LRRC49: variants seen among roughly 807,000 people sequenced by gnomAD.
LRRC49 encodes leucine-rich repeat-containing protein 49.
Under a neutral mutation model 83.3 loss-of-function variants are expected in LRRC49, and 50 were observed. The observed-to-expected ratio is 0.60, with a 90% confidence interval of 0.48 to 0.76. The LOEUF (loss-of-function observed/expected upper bound fraction) is 0.76. Among genes scored for constraint, LRRC49 ranks in the 30% least tolerant of loss-of-function variants. The probability of loss-of-function intolerance (pLI) is 0.00; values close to 1 mark genes in which losing one functional copy is unlikely to be tolerated. For missense variants in LRRC49, 704 were observed against 809.1 expected (o/e 0.87, Z 1.58); for synonymous variants, 286 against 283.3 (o/e 1.01, Z -0.10).
intron 5 of LRRC49, chr15:70,907,392 T>C (rs547833393): frequency 6.6e-6 from 1 of 152,482 alleles, no homozygotes; most frequent in Admixed American, 6.5e-5. Context: ...AGGTTCTGTA[T>C]GTGAGGTTTC....
intron 2 of LRRC49, among the ~76,000 whole-genome samples, chr15:70,874,431 C>A (rs2033111595): frequency 6.6e-6 from 1 of 152,168 alleles, no homozygotes. Context: ...AAGTGGGAAG[C>A]AATCAAATTG....
chr15:70,855,678 G>C (rs1338864246), intron 1 of LRRC49, among the ~76,000 whole-genome samples: 2 of 152,218 alleles, frequency 1.3e-5, no homozygotes, highest in Non-Finnish European at 2.9e-5. Context: ...ACTAGAATCT[G>C]TGTCCCTTTC....
intron 6 of LRRC49, 191 bp from the exon 7 acceptor site, chr15:70,918,859 A>G: frequency 2.1e-6 from 1 of 485,430 alleles, no homozygotes; most frequent in Non-Finnish European, 3.6e-6. Context: ...ATGATCTTTT[A>G]GCTAATGTTC....
chr15:70,882,990 A>G, intron 2 of LRRC49: 1 of 1,439,226 alleles, frequency 6.9e-7, no homozygotes, highest in Non-Finnish European at 9.4e-7. Context: ...GTAGTAAGAC[A>G]GTATAGCTGA....
At chr15:71,026,332 T>C (rs547808543) in intron 14 of LRRC49, among the ~76,000 whole-genome samples, 1 of 152,262 alleles carries the variant, frequency 6.6e-6, no homozygotes, top group East Asian at 1.9e-4. Flanking sequence ...GGCATTTGGG[T>C]TGGTTCCAAG....
At chr15:70,998,401 G>A (rs1243004664) in intron 11 of LRRC49, among the ~76,000 whole-genome samples, 1 of 151,880 alleles carries the variant, frequency 6.6e-6, no homozygotes, top group Non-Finnish European at 1.5e-5. Flanking sequence ...TGTTTATCAG[G>A]GAATGTCTTA....
intron 2 of LRRC49, chr15:70,881,376 A>G (rs936695575): frequency 6.6e-6 from 1 of 152,252 alleles, no homozygotes; most frequent in Non-Finnish European, 1.5e-5. Flanking sequence ...TCCTTAAAGC[A>G]GACATAAAAT....
chr15:70,938,403 C>A (rs935501550), intron 8 of LRRC49, among the ~76,000 whole-genome samples: 3 of 152,096 alleles, frequency 2.0e-5, no homozygotes, highest in African/African-American at 4.8e-5. Flanking sequence ...TTTAAAAATT[C>A]TCTCTGTGAT....
At chr15:70,876,804 C>T (rs1330757002) in intron 2 of LRRC49, among the ~76,000 whole-genome samples, 1 of 152,204 alleles carries the variant, frequency 6.6e-6, no homozygotes, top group African/African-American at 2.4e-5. Flanking sequence ...CCATCTCTAA[C>T]AAATTTAATC....
chr15:71,013,049 G>C (rs2038709361), intron 14 of LRRC49, 136 bp downstream of exon 14: 2 of 593,298 alleles, frequency 3.4e-6, no homozygotes, highest in Admixed American at 3.2e-5. Context: ...GAAAGTGTTG[G>C]GGATCTTAAG....
intron 14 of LRRC49, among the ~76,000 whole-genome samples, chr15:71,017,125 A>C (rs1387299403): frequency 6.6e-6 from 1 of 152,156 alleles, no homozygotes; most frequent in East Asian, 1.9e-4. Context: ...TAAATAAATA[A>C]ATAAAAATAC....
At chr15:70,956,588 GGT>G (rs1474388564) in intron 8 of LRRC49, among the ~76,000 whole-genome samples, 1 of 149,682 alleles carries the variant, frequency 6.7e-6, no homozygotes, top group African/African-American at 2.5e-5. Context: ...TTTATTTCCA[GGT>G]GTTTTTTTTT....
In LRRC49 at chr15:70,870,954, T is replaced by TG. The variant is rs1567030869; in HGVS notation, c.-298-1954_-298-1953insG. On this transcript the variant is annotated intron_variant, in intron 1 of 16. Transcript: ENST00000544974. ...GATTCTGCCATGCTTAGTTTTTTTT[T>TG]TTTTTTTTTTTAGTATTTATTGATC... 4.2e-4 allele frequency among the ~76,000 whole-genome samples: 21 copies of TG among 50,082 alleles called. 1 individual carries two copies. Among genetic ancestry groups the TG allele is most frequent in the African/African-American group, 8.8e-4 (18 of 20,460 alleles). 32.9% of individuals were successfully genotyped at this position (50,082 alleles called of 152,430 possible).
chr15:70,859,589 G>T (rs953388404), intron 1 of LRRC49: 4 of 653,784 alleles, frequency 6.1e-6, no homozygotes, highest in Admixed American at 3.7e-5. Flanking sequence ...GCAGACGCTG[G>T]CTGGGAAGCT....
At chr15:70,858,089 AAC>A (rs1160742004) in intron 1 of LRRC49, among the ~76,000 whole-genome samples, 4 of 152,230 alleles carry the variant, frequency 2.6e-5, no homozygotes, top group Non-Finnish European at 4.4e-5. Context: ...CTGAATGGGA[AAC>A]ACAAACATTC....
intron 14 of LRRC49, among the ~76,000 whole-genome samples, chr15:71,028,204 A>T (rs1480064166): frequency 6.6e-6 from 1 of 152,182 alleles, no homozygotes; most frequent in African/African-American, 2.4e-5. Context: ...TGAGATAATC[A>T]TATGGTTTTT....
intron 14 of LRRC49, among the ~76,000 whole-genome samples, chr15:71,022,290 T>C (rs886525423): frequency 2.0e-5 from 3 of 152,080 alleles, no homozygotes; most frequent in African/African-American, 7.2e-5. Context: ...TGAGAATCAC[T>C]TGAACCCAGG....
chr15:70,860,275 C>A, intron 1 of LRRC49: 2 of 571,716 alleles, frequency 3.5e-6, no homozygotes, highest in Admixed American at 2.9e-5. Flanking sequence ...AGGCTCAGCC[C>A]AAGCCCTCAG....
rs561676885 is a variant in LRRC49, at chr15:70,856,486, G to C, written c.-299+3017G>C. 4.6e-5 allele frequency among the ~76,000 whole-genome samples: 7 copies of C among 152,162 alleles called. No individual in the cohort carries two copies. The East Asian group carries it at 1.4e-3, about 29-fold the overall frequency. On this transcript the variant is annotated intron_variant, in intron 1 of 16. Transcript: ENST00000544974. Reference sequence around the variant, plus strand: ...CATAAATATGGGGCATCTTTCTGGGGTATCAATTTTACTTAGCTATTTGAG... The same window carrying C: ...CATAAATATGGGGCATCTTTCTGGGCTATCAATTTTACTTAGCTATTTGAG...
Sources: allele counts gnomAD v4.1 joint callset (sites outside exome capture counted in the v4.1 genomes callset), GRCh38; gene constraint gnomAD v4.1.1; transcripts MANE v1.5; gene names NCBI Gene and HGNC (gene_info 2026-07-23, HGNC 2026-07-21).